The following ARHGEF6 variants were observed in gnomAD, a reference collection of about 807,000 sequenced individuals.
ARHGEF6 encodes the protein Rac/Cdc42 guanine nucleotide exchange factor 6.
ARHGEF6 carries 9 observed loss-of-function variants against 70.3 expected under a neutral mutation model. The observed-to-expected ratio is 0.13, with a 90% CI of 0.08 to 0.22. ARHGEF6 has a LOEUF of 0.22. ARHGEF6 is among the 10% of genes least tolerant of loss of function. The pLI is 1.00. For synonymous variants in ARHGEF6, 201 were observed against 207.8 expected, an observed-to-expected ratio of 0.97 and a Z score of 0.28; for missense variants, 470 against 563.0, an observed-to-expected ratio of 0.83 and a Z score of 1.67.
chrX:136,778,551 A>C (rs2077423978), intron 2 of ARHGEF6, among the ~76,000 whole-genome samples: 1 of 109,115 alleles, frequency 9.2e-6, no homozygotes, highest in Admixed American at 9.7e-5. Context: ...CAGTGGTGCA[A>C]TCACAGCTCA....
intron 2 of ARHGEF6, among the ~76,000 whole-genome samples, chrX:136,776,878 G>GATAGATAA (rs762363749): frequency 1.6e-4 from 16 of 99,965 alleles, no homozygotes; most frequent in Non-Finnish European, 2.7e-4. Flanking sequence ...TAAATAAATA[G>GATAGATAA]ATAAATAAAT....
At chrX:136,743,885 C>T in intron 4 of ARHGEF6, 99 bp from the exon 5 acceptor site, 3 of 791,510 alleles carry the variant, frequency 3.8e-6, no homozygotes, top group Admixed American at 2.4e-5. Flanking sequence ...GAAGCAAAGA[C>T]AAAACCCCAG....
intron 2 of ARHGEF6, among the ~76,000 whole-genome samples, chrX:136,775,768 C>T (rs747252937): frequency 1.8e-5 from 2 of 111,316 alleles, no homozygotes; most frequent in Non-Finnish European, 3.8e-5. Flanking sequence ...TCACTGTTTG[C>T]TGATGATATG....
intron 2 of ARHGEF6, among the ~76,000 whole-genome samples, chrX:136,759,815 T>C (rs1050021324): frequency 1.8e-5 from 2 of 111,821 alleles, no homozygotes; most frequent in Non-Finnish European, 3.8e-5. Context: ...ACTCACTCAA[T>C]TGACATGTCT....
Position 136,667,833 on chromosome X carries a change from A to T in ARHGEF6, c.*196T>A. 2.0e-6 allele frequency: 1 copy of T among 505,514 alleles called. No homozygotes were observed. The highest frequency in any genetic ancestry group is 3.2e-6 in the Non-Finnish European group (1 of 311,193). 41.7% of individuals were successfully genotyped at this position (505,514 alleles called of 1,213,427 possible). The stretch of plus-strand genomic sequence containing the variant: ...AACAACCAACCAATAACCAAACAAC[A>T]GCAAATGCCCAAGCGCGCACGTGCA... On this transcript the variant is annotated 3_prime_UTR_variant, in exon 22 of 22. Coordinates refer to ENST00000250617, the MANE Select transcript of ARHGEF6 (RefSeq NM_004840.3).
At chrX:136,685,915 G>A (rs1018708364) in intron 11 of ARHGEF6, 92 bp from the exon 12 acceptor site, 5 of 992,393 alleles carry the variant, frequency 5.0e-6, no homozygotes, top group East Asian at 3.1e-5. Context: ...TGACTCTTTG[G>A]TTCCCACTGA....
In ARHGEF6 at chrX:136,743,645, T is replaced by C; in HGVS notation, c.601A>G (p.Thr201Ala). 8.2e-7 allele frequency: 1 copy of C among 1,212,217 alleles called. No individual in the cohort carries two copies. The highest frequency in any genetic ancestry group is 1.1e-6 in the Non-Finnish European group (1 of 895,593). The change falls in exon 5 of 22, where the codon ACA becomes GCA. Residue 201 changes from threonine to alanine, a missense_variant. Physicochemically the swap from Thr to Ala is moderately conservative, Grantham distance 58. Coordinates refer to ENST00000250617, the MANE Select transcript of ARHGEF6 (RefSeq NM_004840.3). ...AACCAGCCTGTTCTCCCATTTAATG[T>C]GCCTTCCCACCAGCCTCCTTCTTCA... ...RVEEGGWWEG[T>A]LNGRTGWFPS...
intron 19 of ARHGEF6, among the ~76,000 whole-genome samples, chrX:136,674,547 T>C (rs2076258259): frequency 8.9e-6 from 1 of 112,428 alleles, no homozygotes; most frequent in African/African-American, 3.2e-5. Flanking sequence ...TCAGAGCAAC[T>C]TTGAAACTTG....
chrX:136,698,171 G>A (rs2076531257), intron 9 of ARHGEF6, among the ~76,000 whole-genome samples: 1 of 111,254 alleles, frequency 9.0e-6, no homozygotes, highest in African/African-American at 3.3e-5. Context: ...ACTGGCAGAA[G>A]AAAGAATCTG....
At chrX:136,727,351 TTC>T (rs749867090) in intron 6 of ARHGEF6, among the ~76,000 whole-genome samples, 1 of 50,504 alleles carries the variant, frequency 2.0e-5, no homozygotes, top group Non-Finnish European at 3.6e-5. Context: ...CTTTCTTTCT[TTC>T]TTTCTTTCTT....
At chrX:136,708,823 T>C in intron 7 of ARHGEF6, 53 bp from the exon 8 acceptor site, 1 of 945,005 alleles carries the variant, frequency 1.1e-6, no homozygotes, top group East Asian at 3.2e-5. Flanking sequence ...AGTTGGCTAA[T>C]AGTTTGCTAA....
chrX:136,687,562 A>G (rs2076416900), intron 11 of ARHGEF6, among the ~76,000 whole-genome samples: 1 of 112,232 alleles, frequency 8.9e-6, no homozygotes, highest in Non-Finnish European at 1.9e-5. Context: ...CCTTTGGCAT[A>G]ACTAGTTGAA....
chrX:136,668,906 C>T (rs2076192871), intron 21 of ARHGEF6, among the ~76,000 whole-genome samples: 3 of 111,482 alleles, frequency 2.7e-5, no homozygotes, highest in Admixed American at 1.9e-4. Context: ...TCCATAGGTT[C>T]AAACTCTGCA....
At chrX:136,683,529 T>C (rs1245441017) in intron 12 of ARHGEF6, among the ~76,000 whole-genome samples, 1 of 110,814 alleles carries the variant, frequency 9.0e-6, no homozygotes, top group Non-Finnish European at 1.9e-5. Context: ...CGGCTAATTT[T>C]GTATTTTTAG....
chrX:136,754,421 C>T (rs751279566), intron 2 of ARHGEF6, among the ~76,000 whole-genome samples: 4 of 108,626 alleles, frequency 3.7e-5, no homozygotes, highest in Non-Finnish European at 7.6e-5. Flanking sequence ...CCCATCTCTT[C>T]TAAAAATACA....
rs368033392 is a variant in ARHGEF6, at chrX:136,671,372, T to C, written c.2135+648A>G. Among the ~76,000 whole-genome samples the C allele has an allele frequency of 5.3e-5, 6 of 112,392 alleles. No homozygotes were observed. In the East Asian group the frequency reaches 1.7e-3, roughly 31 times the overall value. ...TGAAATATGCTGTCCTATGCAAATT[T>C]AGGCCTGACTTCAGAAATGACTCAA... On this transcript the variant is annotated intron_variant, in intron 20 of 21. Coordinates refer to ENST00000250617, the MANE Select transcript of ARHGEF6 (RefSeq NM_004840.3).
chrX:136,743,028 G>A (rs563148680), intron 5 of ARHGEF6, among the ~76,000 whole-genome samples: 2 of 111,441 alleles, frequency 1.8e-5, no homozygotes, highest in South Asian at 7.6e-4. Flanking sequence ...AGAGCAATTC[G>A]ATTTCATTCT....
intron 18 of ARHGEF6, among the ~76,000 whole-genome samples, 185 bp downstream of exon 18, chrX:136,676,439 C>T (rs965980001): frequency 4.5e-5 from 5 of 112,273 alleles, no homozygotes; most frequent in African/African-American, 1.3e-4. Context: ...GAAGTGCAGC[C>T]GTAAGAAGCT....
chrX:136,689,027 T>A (rs1354879233), intron 10 of ARHGEF6, among the ~76,000 whole-genome samples: 1 of 111,717 alleles, frequency 9.0e-6, no homozygotes, highest in Admixed American at 9.5e-5. Flanking sequence ...GCCCCACTAG[T>A]CTCGGGTGAT....
Sources: gnomAD v4.1 joint callset for allele counts (sites outside exome capture counted in the v4.1 genomes callset) on GRCh38, gnomAD v4.1.1 for gene constraint, MANE v1.5 for transcripts, NCBI Gene and HGNC (gene_info 2026-07-23, HGNC 2026-07-21) for gene names.